Variants in PDE1A observed in about 807,000 individuals in gnomAD.
PDE1A encodes the protein dual specificity calcium/calmodulin-dependent 3',5'-cyclic nucleotide phosphodiesterase 1A.
Under a neutral mutation model 61.7 loss-of-function variants are expected in PDE1A, and 35 were observed. The observed-to-expected ratio is 0.57, with a 90% CI of 0.43 to 0.75. PDE1A has a LOEUF of 0.75. PDE1A is among the 30% of genes least tolerant of loss of function. PDE1A has a pLI of 0.00. For synonymous variants in PDE1A, 232 were observed against 213.2 expected, an observed-to-expected ratio of 1.09 and a Z score of -0.77; for missense variants, 597 against 630.6, an observed-to-expected ratio of 0.95 and a Z score of 0.57.
At chr2:182,156,196 C>A (rs1391894655) in intron 13 of PDE1A, among the ~76,000 whole-genome samples, 2 of 152,088 alleles carry the variant, frequency 1.3e-5, no homozygotes, top group Admixed American at 1.3e-4. Context: ...AGCATAAGAG[C>A]ATAACTTAGT....
intron 2 of PDE1A, among the ~76,000 whole-genome samples, chr2:182,261,675 T>C (rs6717783): frequency 0.27 from 40,639 of 151,912 alleles, 5,591 homozygotes; most frequent in Middle Eastern, 0.37. Context: ...AGGTATAATA[T>C]ACATTTAAAT....
At chr2:182,469,346 A>T (rs1686879126) in intron 2 of PDE1A, among the ~76,000 whole-genome samples, 1 of 151,928 alleles carries the variant, frequency 6.6e-6, no homozygotes, top group South Asian at 2.1e-4. Context: ...TTGCACTTTT[A>T]TGTTAGGAAG....
chr2:182,606,709 T>C, the PDE1A span, among the ~76,000 whole-genome samples: 2 of 152,174 alleles, frequency 1.3e-5, no homozygotes, highest in Non-Finnish European at 2.9e-5. Flanking sequence ...AAAAATTGTA[T>C]ATCTAACTTT....
intron 1 of PDE1A, among the ~76,000 whole-genome samples, chr2:182,388,082 AAAG>A (rs1383133036): frequency 6.6e-5 from 10 of 152,222 alleles, no homozygotes; most frequent in Non-Finnish European, 1.5e-4. Context: ...ACAAAGAGAC[AAAG>A]AAGATCATTA....
chr2:182,283,628 A>C (rs1162838595), intron 1 of PDE1A, among the ~76,000 whole-genome samples: 1 of 152,112 alleles, frequency 6.6e-6, no homozygotes, highest in Admixed American at 6.6e-5. Flanking sequence ...GAGTTTTACA[A>C]AGATACAACC....
At chr2:182,587,714 T>TA in the PDE1A span, among the ~76,000 whole-genome samples, 3 of 152,246 alleles carry the variant, frequency 2.0e-5, no homozygotes, top group East Asian at 5.8e-4. Context: ...CTTGATGTTA[T>TA]ATCTAGTTAT....
downstream of PDE1A, among the ~76,000 whole-genome samples, chr2:182,145,290 C>A (rs1690436115): frequency 6.6e-6 from 1 of 151,944 alleles, no homozygotes; most frequent in South Asian, 2.1e-4. Context: ...ATCACATTTC[C>A]CAGAAGACTG....
chr2:182,698,911 G>A, the PDE1A span, among the ~76,000 whole-genome samples: 1 of 152,136 alleles, frequency 6.6e-6, no homozygotes, highest in South Asian at 2.1e-4. Context: ...TCGTGTGGGA[G>A]AACATAAGAA....
the PDE1A span, among the ~76,000 whole-genome samples, chr2:182,687,832 A>G: frequency 6.6e-6 from 1 of 152,204 alleles, no homozygotes; most frequent in Non-Finnish European, 1.5e-5. Context: ...AGAAGTCCTT[A>G]AAGGACCTGA....
chr2:182,541,334 T>A, the PDE1A span, among the ~76,000 whole-genome samples: 2 of 152,174 alleles, frequency 1.3e-5, no homozygotes, highest in African/African-American at 4.8e-5. Context: ...CTCTCTATAT[T>A]CCAGTTTCTT....
chr2:182,553,932 C>T, the PDE1A span, among the ~76,000 whole-genome samples: 2 of 152,196 alleles, frequency 1.3e-5, no homozygotes, highest in Non-Finnish European at 2.9e-5. Context: ...AGACTTTAGA[C>T]AGTCAAGGCC....
the PDE1A span, among the ~76,000 whole-genome samples, chr2:182,641,028 A>AAAG: frequency 2.0e-5 from 3 of 149,730 alleles, no homozygotes; most frequent in African/African-American, 5.0e-5. Context: ...TCAAAAAAAA[A>AAAG]AAGAAGAAGA....
intron 1 of PDE1A, among the ~76,000 whole-genome samples, chr2:182,388,422 G>C (rs1277109689): frequency 1.3e-5 from 2 of 152,120 alleles, no homozygotes; most frequent in Admixed American, 1.3e-4. Context: ...TTATATGTCA[G>C]GCCACAAAAT....
At chr2:182,355,515 T>G (rs564816519) in intron 1 of PDE1A, among the ~76,000 whole-genome samples, 1 of 152,166 alleles carries the variant, frequency 6.6e-6, no homozygotes, top group Middle Eastern at 3.4e-3. Context: ...AGATAATACT[T>G]CAATCTTATT....
chr2:182,477,242 C>T (rs1478342817), intron 2 of PDE1A, among the ~76,000 whole-genome samples: 1 of 151,864 alleles, frequency 6.6e-6, no homozygotes, highest in African/African-American at 2.4e-5. Context: ...AATTATCTGA[C>T]TCATGTTGAG....
At chr2:182,640,312 T>C in the PDE1A span, among the ~76,000 whole-genome samples, 1 of 152,176 alleles carries the variant, frequency 6.6e-6, no homozygotes, top group Non-Finnish European at 1.5e-5. Context: ...ATATTTCTCT[T>C]AGAACTGACA....
chr2:182,483,592 T>C (rs1357344125), intron 2 of PDE1A, among the ~76,000 whole-genome samples: 1 of 151,912 alleles, frequency 6.6e-6, no homozygotes, highest in Admixed American at 6.6e-5. Flanking sequence ...TTAGAATACA[T>C]TTTGAACTTA....
intron 3 of PDE1A, among the ~76,000 whole-genome samples, chr2:182,237,318 C>A (rs1160954985): frequency 6.6e-6 from 1 of 152,030 alleles, no homozygotes; most frequent in Admixed American, 6.6e-5. Context: ...CATGGGAAAC[C>A]CTGTCTCTAC....
At chr2:182,705,249 A>G in the PDE1A span, among the ~76,000 whole-genome samples, 1 of 152,118 alleles carries the variant, frequency 6.6e-6, no homozygotes, top group Non-Finnish European at 1.5e-5. Context: ...CACGTAGCCT[A>G]ATTAATAGTG....
Sources: gnomAD v4.1 joint callset for allele counts (sites outside exome capture counted in the v4.1 genomes callset) on GRCh38, gnomAD v4.1.1 for gene constraint, MANE v1.5 for transcripts, NCBI Gene and HGNC (gene_info 2026-07-23, HGNC 2026-07-21) for gene names.